NHLH2: variants seen among roughly 807,000 people sequenced by gnomAD.
NHLH2 encodes nescient helix-loop-helix 2, also known as helix-loop-helix protein 2.
A neutral mutation model predicts 7.3 loss-of-function variants in NHLH2; 7 were observed. The observed-to-expected ratio is 0.96, with a 90% CI of 0.55 to 1.81. The LOEUF is 1.81. Ranked by LOEUF, NHLH2 falls within the 40% of genes most tolerant of loss-of-function variation. The pLI is 0.00. For synonymous variants in NHLH2, 93 were observed against 91.6 expected (o/e 1.01, Z -0.09); for missense variants, 155 against 194.0 (o/e 0.80, Z 1.19).
intron 2 of NHLH2, chr1:115,839,847 G>T (rs1044804824): frequency 4.8e-5 from 8 of 167,098 alleles, no homozygotes; most frequent in African/African-American, 1.9e-4. Context: ...TCCCTGCGAG[G>T]AAATCAGGTC....
At chr1:115,832,856 T>TA, downstream of NHLH2, among the ~76,000 whole-genome samples, 1 of 152,140 alleles carries the variant, frequency 6.6e-6, no homozygotes, top group East Asian at 1.9e-4. Context: ...ATTTTCTGGG[T>TA]AAAAAATGAG....
intron 2 of NHLH2, 107 bp from the exon 3 acceptor site, chr1:115,838,487 G>A (rs1458403639): frequency 1.5e-6 from 2 of 1,323,738 alleles, no homozygotes; most frequent in Non-Finnish European, 2.1e-6. Context: ...CGCGCGGCCC[G>A]GGCCCCCTCC....
downstream of NHLH2, among the ~76,000 whole-genome samples, chr1:115,831,613 A>G (rs1037886693): frequency 3.9e-5 from 6 of 152,070 alleles, no homozygotes; most frequent in East Asian, 1.9e-4. Flanking sequence ...TTTTCCTTCT[A>G]TCTTAAAAAT....
chr1:115,834,576 G>T (rs1253009567), downstream of NHLH2, among the ~76,000 whole-genome samples: 3 of 152,164 alleles, frequency 2.0e-5, no homozygotes, highest in Non-Finnish European at 4.4e-5. Flanking sequence ...GGTCCAGCAG[G>T]CCTAAGTCTC....
downstream of NHLH2, among the ~76,000 whole-genome samples, chr1:115,831,570 T>C (rs930611474): frequency 1.6e-4 from 24 of 152,192 alleles, no homozygotes; most frequent in Admixed American, 3.3e-4. Context: ...GAGGGGACTT[T>C]CACAGCTGAT....
At chr1:115,832,144 G>A (rs993205131), downstream of NHLH2, among the ~76,000 whole-genome samples, 3 of 152,066 alleles carry the variant, frequency 2.0e-5, no homozygotes, top group Admixed American at 6.5e-5. Flanking sequence ...CACAGCATTC[G>A]TGCTATGGGA....
chr1:115,839,869 A>C (rs1250965114), intron 2 of NHLH2: 1 of 167,120 alleles, frequency 6.0e-6, no homozygotes, highest in Non-Finnish European at 1.5e-5. Flanking sequence ...TCTACGGCAA[A>C]ATAAAAACAA....
chr1:115,832,164 G>A (rs12061131), downstream of NHLH2, among the ~76,000 whole-genome samples: 11,866 of 152,196 alleles, frequency 0.078, 512 homozygotes, highest in Middle Eastern at 0.16. Context: ...AAAAACCAAG[G>A]TAAAAGAGAA....
At chr1:115,832,971 G>A (rs1404970590), downstream of NHLH2, among the ~76,000 whole-genome samples, 1 of 152,184 alleles carries the variant, frequency 6.6e-6, no homozygotes, top group Non-Finnish European at 1.5e-5. Context: ...CGAGTTTGCA[G>A]GAATATTTAA....
At chr1:115,831,580 T>G (rs10923572), downstream of NHLH2, among the ~76,000 whole-genome samples, 39,100 of 152,046 alleles carry the variant, frequency 0.26, 5,204 homozygotes, top group East Asian at 0.35. Flanking sequence ...TCACAGCTGA[T>G]CTAACCCACC....
chr1:115,837,748 G>A lies in NHLH2; in HGVS notation c.*217C>T, dbSNP rs10802028. 1.8e-6 allele frequency: 1 copy of A among 545,476 alleles called. No homozygotes were observed. Among genetic ancestry groups the A allele is most frequent in the Non-Finnish European group, 3.1e-6 (1 of 320,636 alleles). 33.8% of individuals were successfully genotyped at this position (545,476 alleles called of 1,614,324 possible). A position where few individuals can be genotyped will look rare whatever the true frequency, so the allele number is the denominator to read the frequency against. ...TGGAAAATCCCCCCTGCGAGCCCCC[G>A]GGCTCGCCAGACAACCCCACCTGCC... On this transcript the variant is annotated 3_prime_UTR_variant, in exon 3 of 3. Coordinates refer to ENST00000320238, the MANE Select transcript of NHLH2 (RefSeq NM_005599.3).
In NHLH2 at chr1:115,837,683, A is replaced by G; in HGVS notation, c.*282T>C. On this transcript the variant is annotated 3_prime_UTR_variant, in exon 3 of 3. Transcript: ENST00000320238. ...ACCACAACCCTTGGGGAGCCCCAGA[A>G]GTGGCTCATCTCGGGTGTCTCCACG... is the stretch of plus-strand genomic sequence containing the variant. 2.3e-6 allele frequency: 1 copy of G among 441,708 alleles called. No individual in the cohort carries two copies. The highest frequency in any genetic ancestry group is 4.0e-6 in the Non-Finnish European group (1 of 249,678). The allele number at this position is 441,708 out of a possible 1,614,324, so 27.4% of individuals were successfully genotyped here.
downstream of NHLH2, among the ~76,000 whole-genome samples, chr1:115,831,924 CAAAA>C (rs34137281): frequency 1.5e-5 from 2 of 137,220 alleles, no homozygotes; most frequent in Non-Finnish European, 1.5e-5. Flanking sequence ...GACTTGGTCT[CAAAA>C]AAAAAAAAAA....
chr1:115,834,746 G>GT (rs1650826582), downstream of NHLH2, among the ~76,000 whole-genome samples: 1 of 152,156 alleles, frequency 6.6e-6, no homozygotes, highest in Non-Finnish European at 1.5e-5. Context: ...AATATTGGGG[G>GT]TTTTTTCGCT....
intron 2 of NHLH2, chr1:115,839,759 A>T (rs1044182302): frequency 1.8e-5 from 3 of 166,874 alleles, no homozygotes; most frequent in African/African-American, 4.8e-5. Context: ...TTCTAGAGAA[A>T]CAAAAGCAAG....
In NHLH2 at chr1:115,837,979, C is replaced by A. The variant is rs1230535357; in HGVS notation, c.394G>T (p.Val132Phe). The A allele has an allele frequency of 6.2e-7, 1 of 1,602,980 alleles. No individual in the cohort carries two copies. Among genetic ancestry groups the A allele is most frequent in the Non-Finnish European group, 8.5e-7 (1 of 1,175,840 alleles). Residue 132 changes from valine (V) to phenylalanine (F), a missense_variant, in exon 3 of 3, where the codon GTC (valine) becomes TTC (phenylalanine). Val to Phe is a conservative substitution (Grantham distance 50). Coordinates refer to ENST00000320238, the MANE Select transcript of NHLH2 (RefSeq NM_005599.3). ...AICYISYLNHVLDV is the reference protein window; with the variant it reads ...AICYISYLNHFLDV ...CGCACCCCGCCCTACACGTCCAGGA[C>A]GTGGTTGAGATAGGAGATGTAGCAG...
chr1:115,837,995 G>C lies in NHLH2; in HGVS notation c.378C>G (p.Ile126Met). 1 of 1,607,862 alleles carries C rather than the reference G, an allele frequency of 6.2e-7. No individual in the cohort carries two copies. Among genetic ancestry groups the C allele is most frequent in the Non-Finnish European group, 8.5e-7 (1 of 1,177,612 alleles). ...CGTCCAGGACGTGGTTGAGATAGGAGATGTAGCAGATGGCCAGGCGCAGGA... is the reference window on the plus strand; with the variant it reads ...CGTCCAGGACGTGGTTGAGATAGGACATGTAGCAGATGGCCAGGCGCAGGA... Reference protein sequence around the residue: ...IEILRLAICYISYLNHVLDV With the variant: ...IEILRLAICYMSYLNHVLDV Residue 126 changes from isoleucine to methionine, a missense_variant, in exon 3 of 3, where the codon ATC (isoleucine) becomes ATG (methionine). Transcript: ENST00000320238.
chr1:115,838,646 C>T (rs1325931546), intron 2 of NHLH2: 1 of 400,234 alleles, frequency 2.5e-6, no homozygotes, highest in Non-Finnish European at 4.5e-6. Flanking sequence ...TTGCAGACGG[C>T]CACAGCGGGC....
downstream of NHLH2, among the ~76,000 whole-genome samples, chr1:115,833,489 G>T (rs539945705): frequency 2.0e-5 from 3 of 152,284 alleles, no homozygotes; most frequent in African/African-American, 7.2e-5. Flanking sequence ...AAGGGGGGTG[G>T]TGTGTGAGTG....
Sources: gnomAD v4.1 joint callset for allele counts (sites outside exome capture counted in the v4.1 genomes callset) on GRCh38, gnomAD v4.1.1 for gene constraint, MANE v1.5 for transcripts, NCBI Gene and HGNC (gene_info 2026-07-23, HGNC 2026-07-21) for gene names.